CEP128: variants seen among roughly 807,000 people sequenced by gnomAD.
CEP128 encodes centrosomal protein 128.
CEP128 carries 132 observed loss-of-function variants against 156.7 expected under a neutral mutation model. That is an observed-to-expected ratio of 0.84 (90% confidence interval 0.73 to 0.97). The LOEUF (loss-of-function observed/expected upper bound fraction) is 0.97. Among genes scored for constraint, CEP128 ranks in the 50% least tolerant of loss-of-function variants. CEP128 has a pLI of 0.00. For missense variants in CEP128, 1,252 were observed against 1,281.9 expected (o/e 0.98, Z 0.36); for synonymous variants, 469 against 448.9 (o/e 1.04, Z -0.57).
intron 9 of CEP128, among the ~76,000 whole-genome samples, chr14:80,846,316 G>A (rs1244444172): frequency 3.9e-5 from 6 of 152,066 alleles, no homozygotes; most frequent in African/African-American, 9.7e-5. Flanking sequence ...TTTACAAGAC[G>A]CTTACACATA....
intron 21 of CEP128, among the ~76,000 whole-genome samples, chr14:80,546,880 T>C (rs1890008874): frequency 1.3e-5 from 2 of 152,316 alleles, no homozygotes; most frequent in African/African-American, 2.4e-5. Flanking sequence ...TGTAATGTAA[T>C]TGGGGCATAT....
At chr14:80,887,331 C>T (rs1888855996) in intron 8 of CEP128, among the ~76,000 whole-genome samples, 1 of 152,158 alleles carries the variant, frequency 6.6e-6, no homozygotes, top group African/African-American at 2.4e-5. Flanking sequence ...ATACATTCTT[C>T]TTAGCACTGC....
chr14:80,542,447 A>T (rs1211000276), intron 21 of CEP128, among the ~76,000 whole-genome samples: 3 of 152,212 alleles, frequency 2.0e-5, no homozygotes, highest in Non-Finnish European at 4.4e-5. Context: ...AATATTTCTC[A>T]ACAGACTCAA....
intron 19 of CEP128, among the ~76,000 whole-genome samples, chr14:80,616,236 A>T (rs1893205757): frequency 6.6e-6 from 1 of 152,236 alleles, no homozygotes; most frequent in Non-Finnish European, 1.5e-5. Context: ...TATAATACAA[A>T]GGAAAGATCC....
At chr14:80,722,534 A>T (rs1566877157) in intron 19 of CEP128, among the ~76,000 whole-genome samples, 4 of 151,326 alleles carry the variant, frequency 2.6e-5, no homozygotes, top group Non-Finnish European at 5.9e-5. Context: ...AAGTATATAT[A>T]ATATATATAT....
chr14:80,591,157 A>G (rs1892046170), intron 19 of CEP128, among the ~76,000 whole-genome samples: 1 of 152,176 alleles, frequency 6.6e-6, no homozygotes, highest in Admixed American at 6.5e-5. Flanking sequence ...ACACATAACA[A>G]TATTAACCTT....
chr14:80,712,419 A>T (rs1291090303), intron 19 of CEP128, among the ~76,000 whole-genome samples: 1 of 151,904 alleles, frequency 6.6e-6, no homozygotes, highest in South Asian at 2.1e-4. Flanking sequence ...TACACATCCA[A>T]CCCCTATTAC....
intron 19 of CEP128, among the ~76,000 whole-genome samples, chr14:80,719,914 T>C (rs957958562): frequency 1.3e-5 from 2 of 152,106 alleles, no homozygotes; most frequent in Admixed American, 6.5e-5. Context: ...GGAAAATACA[T>C]AAATAAATCC....
chr14:80,938,420 G>A (rs1281354922), intron 2 of CEP128, among the ~76,000 whole-genome samples: 1 of 151,694 alleles, frequency 6.6e-6, no homozygotes, highest in Admixed American at 6.6e-5. Flanking sequence ...TAATTTTTTT[G>A]TATTTTTTAG....
chr14:80,858,872 G>A (rs1466755183), intron 9 of CEP128, among the ~76,000 whole-genome samples: 1 of 152,122 alleles, frequency 6.6e-6, no homozygotes, highest in South Asian at 2.1e-4. Context: ...AGTTAGAATG[G>A]CAATCATTAA....
rs575330507 is a variant in CEP128 at position 80,746,740 on chromosome 14, T to C, written c.2614-3473A>G. ...GCCATCAAAGAAAAAAGCTGACAAA[T>C]TGAACTTCTTTGAAATTAAAATGCT... On this transcript the variant is annotated intron_variant, in intron 18 of 24. Transcript: ENST00000555265. Among the ~76,000 whole-genome samples, 12 of 152,272 alleles carry C rather than the reference T, an allele frequency of 7.9e-5. No individual in the cohort carries two copies. The East Asian group carries it at 2.1e-3, about 27-fold the overall frequency.
intron 9 of CEP128, among the ~76,000 whole-genome samples, chr14:80,857,324 A>G (rs978248241): frequency 2.0e-5 from 3 of 151,830 alleles, no homozygotes; most frequent in Non-Finnish European, 4.4e-5. Flanking sequence ...AAACTAACCA[A>G]AGTTATGATA....
At chr14:80,607,444 C>G (rs909260754) in intron 19 of CEP128, among the ~76,000 whole-genome samples, 4 of 152,064 alleles carry the variant, frequency 2.6e-5, no homozygotes, top group African/African-American at 9.7e-5. Context: ...AATTTATAAA[C>G]CTTCATCTTT....
chr14:80,524,893 T>C (rs966468329), intron 23 of CEP128, among the ~76,000 whole-genome samples: 9 of 152,228 alleles, frequency 5.9e-5, no homozygotes, highest in African/African-American at 2.2e-4. Flanking sequence ...TTTTGCTAAG[T>C]GCTGGCCCCT....
chr14:80,805,340 G>A (rs1053372888), intron 13 of CEP128, among the ~76,000 whole-genome samples: 6 of 152,028 alleles, frequency 3.9e-5, no homozygotes, highest in Non-Finnish European at 7.4e-5. Context: ...TAGTCATACA[G>A]ACATTATTTA....
chr14:80,667,684 C>T (rs1288850068), intron 19 of CEP128, among the ~76,000 whole-genome samples: 5 of 151,856 alleles, frequency 3.3e-5, no homozygotes, highest in African/African-American at 1.2e-4. Flanking sequence ...CGGTGAAACC[C>T]CGTCTCTACT....
chr14:80,859,395 TGTG>T (rs1887393999), intron 9 of CEP128, among the ~76,000 whole-genome samples: 1 of 84,054 alleles, frequency 1.2e-5, no homozygotes, highest in Non-Finnish European at 2.2e-5. Flanking sequence ...TGGGGACTGT[TGTG>T]GGGTGGGGGG....
rs115330474 is a variant in CEP128 at position 80,821,983 on chromosome 14, C to T, written c.1209+9160G>A. Among the ~76,000 whole-genome samples the T allele has an allele frequency of 8.6e-3, 1,306 of 152,094 alleles. 18 individuals carry two copies. The highest frequency in any genetic ancestry group is 0.03 in the African/African-American group (1,263 of 41,452). On this transcript the variant is annotated intron_variant, in intron 13 of 24. Transcript: ENST00000555265. ...GCAGGGAAACTCTGCTTTACAAAAC[C>T]ATCAGATCTCATGAGACTTATTCAT...
At chr14:80,698,081 C>T (rs1351047610) in intron 19 of CEP128, among the ~76,000 whole-genome samples, 2 of 151,920 alleles carry the variant, frequency 1.3e-5, no homozygotes, top group African/African-American at 4.8e-5. Context: ...AATTTATCAT[C>T]AAATTTCTAT....
Sources: allele counts gnomAD v4.1 joint callset (sites outside exome capture counted in the v4.1 genomes callset), GRCh38; gene constraint gnomAD v4.1.1; transcripts MANE v1.5; gene names NCBI Gene and HGNC (gene_info 2026-07-23, HGNC 2026-07-21).